Variants in MGA observed in about 807,000 individuals in gnomAD.
MGA encodes the protein MAX dimerization protein MGA, also known as MAX gene-associated protein.
Under a neutral mutation model 261.1 loss-of-function variants are expected in MGA, and 40 were observed. The ratio of observed to expected loss-of-function variants is 0.15; its 90% CI spans 0.12 to 0.20. MGA has a LOEUF of 0.20. Among genes scored for constraint, MGA ranks in the 10% least tolerant of loss-of-function variants. The pLI is 1.00. For synonymous variants in MGA, 1,302 were observed against 1,290.6 expected, an observed-to-expected ratio of 1.01 and a Z score of -0.19; for missense variants, 3,397 against 3,630.5, an observed-to-expected ratio of 0.94 and a Z score of 1.65.
upstream of MGA, among the ~76,000 whole-genome samples, chr15:41,656,194 T>C (rs374200316): frequency 1.3e-5 from 2 of 152,054 alleles, no homozygotes; most frequent in East Asian, 3.9e-4. Flanking sequence ...AGAAAATACA[T>C]TTAAACTTAA....
At chr15:41,702,556 T>G (rs1477357581) in intron 5 of MGA, among the ~76,000 whole-genome samples, 1 of 152,224 alleles carries the variant, frequency 6.6e-6, no homozygotes, top group Non-Finnish European at 1.5e-5. Context: ...GCAGTTAAAC[T>G]TCTTCTGAGC....
chr15:41,707,477 C>T (rs948298538), intron 5 of MGA, among the ~76,000 whole-genome samples: 2 of 152,210 alleles, frequency 1.3e-5, no homozygotes, highest in African/African-American at 4.8e-5. Flanking sequence ...AAACAAATTA[C>T]AGGCCCTGCC....
intron 5 of MGA, among the ~76,000 whole-genome samples, chr15:41,706,619 C>T (rs1358707785): frequency 3.9e-5 from 5 of 128,132 alleles, no homozygotes; most frequent in Non-Finnish European, 7.8e-5. Flanking sequence ...CTTACTCTGT[C>T]TCCCAGGCTG....
At chr15:41,626,612 G>A (rs1262578712) in intron 1 of MGA, among the ~76,000 whole-genome samples, 7 of 151,838 alleles carry the variant, frequency 4.6e-5, no homozygotes, top group African/African-American at 1.7e-4. Flanking sequence ...TAGTAGAAAC[G>A]GACTTTCTCC....
chr15:41,625,437 GT>G (rs11304349), intron 1 of MGA, among the ~76,000 whole-genome samples: 22,250 of 143,100 alleles, frequency 0.16, 2,482 homozygotes, highest in East Asian at 0.68. Context: ...GAGGCCGGGA[GT>G]TTTTTTTTTT....
At chr15:41,633,390 G>C (rs2056634688) in intron 1 of MGA, among the ~76,000 whole-genome samples, 1 of 136,688 alleles carries the variant, frequency 7.3e-6, no homozygotes, top group Non-Finnish European at 1.5e-5. Flanking sequence ...GTCTTGCTCT[G>C]TTGCCCAGGC....
At chr15:41,646,844 T>TC (rs2056944578) in intron 1 of MGA, among the ~76,000 whole-genome samples, 1 of 152,200 alleles carries the variant, frequency 6.6e-6, no homozygotes, top group Non-Finnish European at 1.5e-5. Flanking sequence ...GAAAATTATT[T>TC]CTGTAACCTG....
chr15:41,700,007 G>A (rs2059751596), intron 5 of MGA, among the ~76,000 whole-genome samples: 2 of 147,254 alleles, frequency 1.4e-5, no homozygotes, highest in African/African-American at 5.0e-5. Context: ...CATGTGCTAT[G>A]GTGGTTTCCT....
rs2062755729 is a variant in MGA at position 41,750,202 on chromosome 15, G to A, written c.6595G>A (p.Glu2199Lys). The stretch of plus-strand genomic sequence containing the variant: ...ACAGGAATGTAAGAAAGAGGCAGAC[G>A]AGCAGTTAATTAAAGAAACAAAGAC... The change falls in exon 17 of 24, where the codon GAG becomes AAG. Residue 2199 changes from glutamate to lysine, a missense_variant. Physicochemically the swap from Glu to Lys is moderately conservative, Grantham distance 56. This residue lies in a region of MGA where 1,410 missense variants were observed against 1,386.4 expected (regional missense o/e 1.02). Transcript: ENST00000219905. 1 of 1,613,850 alleles carries A rather than the reference G, an allele frequency of 6.2e-7. No homozygotes were observed. The highest frequency in any genetic ancestry group is 1.1e-5 in the South Asian group (1 of 91,062).
intron 10 of MGA, among the ~76,000 whole-genome samples, chr15:41,728,374 C>T (rs539311770): frequency 2.1e-4 from 32 of 152,042 alleles, no homozygotes; most frequent in Non-Finnish European, 3.7e-4. Flanking sequence ...GGGTTAGGGC[C>T]GCTGATCTCC....
chr15:41,642,276 C>T (rs1283101394), intron 1 of MGA, among the ~76,000 whole-genome samples: 1 of 150,958 alleles, frequency 6.6e-6, no homozygotes, highest in Non-Finnish European at 1.5e-5. Flanking sequence ...AAGTCCCTAG[C>T]CCATTTTTAA....
At chr15:41,753,715 G>A (rs1199594470) in intron 17 of MGA, among the ~76,000 whole-genome samples, 1 of 151,986 alleles carries the variant, frequency 6.6e-6, no homozygotes, top group African/African-American at 2.4e-5. Context: ...TAGGATGTTG[G>A]TCATGAAGCC....
In MGA at chr15:41,749,442, C is replaced by T; in HGVS notation, c.5835C>T (p.Ala1945=). The T allele has an allele frequency of 6.2e-7, 1 of 1,613,994 alleles. No individual in the cohort carries two copies. Among genetic ancestry groups the T allele is most frequent in the Non-Finnish European group, 8.5e-7 (1 of 1,179,888 alleles). The stretch of plus-strand genomic sequence containing the variant: ...TTCCTCTCCAGTCTGGTAGTTTTGC[C>T]TTGTTACAGCTCCCAGGACAAAAGC... Residue 1945 remains alanine, a synonymous_variant, in exon 17 of 24, where the codon GCC becomes GCT. Transcript: ENST00000219905.
chr15:41,639,418 A>T (rs1282316744), intron 1 of MGA, among the ~76,000 whole-genome samples: 1 of 150,626 alleles, frequency 6.6e-6, no homozygotes, highest in African/African-American at 2.4e-5. Flanking sequence ...CTCTCATAGC[A>T]CTCTTTCCTC....
intron 20 of MGA, among the ~76,000 whole-genome samples, chr15:41,760,845 T>C (rs1297413258): frequency 6.6e-6 from 1 of 152,224 alleles, no homozygotes; most frequent in Non-Finnish European, 1.5e-5. Context: ...CAAGCGATTC[T>C]CTTGCCTCAG....
chr15:41,728,128 G>A (rs991983275), intron 10 of MGA, among the ~76,000 whole-genome samples: 1 of 151,994 alleles, frequency 6.6e-6, no homozygotes, highest in South Asian at 2.1e-4. Context: ...TCAGGAGTTC[G>A]ACACCAGCCT....
At chr15:41,652,562 G>A (rs923702091) in intron 1 of MGA, among the ~76,000 whole-genome samples, 6 of 148,536 alleles carry the variant, frequency 4.0e-5, no homozygotes, top group Non-Finnish European at 8.9e-5. Flanking sequence ...TTTGAGAGAC[G>A]GGGTCTCACT....
At chr15:41,744,878 GTTTATTTA>G (rs1334928464) in intron 15 of MGA, among the ~76,000 whole-genome samples, 1 of 149,970 alleles carries the variant, frequency 6.7e-6, no homozygotes, top group East Asian at 1.9e-4. Context: ...GTGTGTGTTT[GTTTATTTA>G]TTTATTTATT....
rs888722770 is a variant in MGA, at chr15:41,710,910, C to T, written c.2645C>T (p.Thr882Ile). Residue 882 changes from threonine to isoleucine, a missense_variant, in exon 8 of 24, where the codon ACC (threonine) becomes ATC (isoleucine). Transcript: ENST00000219905. ...AAGCAATCTACTATTTCCCCTTCTA[C>T]CTCTTATTCTTTGAAACCTCATTCT... is the stretch of plus-strand genomic sequence containing the variant. The T allele has an allele frequency of 1.2e-6, 2 of 1,613,942 alleles. No homozygotes were observed. Among genetic ancestry groups the T allele is most frequent in the Non-Finnish European group, 1.7e-6 (2 of 1,179,852 alleles).
Sources: allele counts gnomAD v4.1 joint callset (sites outside exome capture counted in the v4.1 genomes callset), GRCh38; gene constraint gnomAD v4.1.1; regional missense constraint gnomAD v4.1.1; transcripts MANE v1.5; gene names NCBI Gene and HGNC (gene_info 2026-07-23, HGNC 2026-07-21).